The following ANPEP variants were observed in gnomAD, a reference collection of about 807,000 sequenced individuals.
ANPEP encodes aminopeptidase N.
A neutral mutation model predicts 114.6 loss-of-function variants in ANPEP; 70 were observed. The ratio of observed to expected loss-of-function variants is 0.61; its 90% CI spans 0.50 to 0.75. ANPEP has a LOEUF of 0.75. Ranked by LOEUF, ANPEP falls within the 30% of genes least tolerant of loss-of-function variation. The pLI is 0.00. For synonymous variants in ANPEP, 548 were observed against 522.3 expected (o/e 1.05, Z -0.67); for missense variants, 1,184 against 1,259.5 (o/e 0.94, Z 0.91).
intron 19 of ANPEP, 53 bp downstream of exon 19, chr15:89,790,900 C>T (rs572377622): frequency 1.9e-6 from 3 of 1,596,368 alleles, no homozygotes; most frequent in African/African-American, 2.7e-5. Context: ...GGCCACCCCC[C>T]GGGGCCCCAG....
In ANPEP at chr15:89,799,591, G is replaced by T; in HGVS notation, c.1820-32C>A. The T allele has an allele frequency of 6.2e-7, 1 of 1,613,838 alleles. No individual in the cohort carries two copies. Among genetic ancestry groups the T allele is most frequent in the Non-Finnish European group, 8.5e-7 (1 of 1,179,910 alleles). ...AGAGGGACGAGACCTGGGCAGGGCT[G>T]CTCAGAGGCCATGGGCTGACCCCTG... On this transcript the variant is annotated intron_variant, in intron 12 of 20. Coordinates refer to ENST00000300060, the MANE Select transcript of ANPEP (RefSeq NM_001150.3). This position sits in a 1 kb window ranked among gnomAD's most constrained non-coding sequence, Gnocchi z 4.2.
chr15:89,803,899 G>A lies in ANPEP; in HGVS notation c.1283C>T (p.Thr428Ile), dbSNP rs1369290633. 1 of 1,614,026 alleles carries A rather than the reference G, an allele frequency of 6.2e-7. No homozygotes were observed. Among genetic ancestry groups the A allele is most frequent in the Non-Finnish European group, 8.5e-7 (1 of 1,180,008 alleles). ...EYLGADYAEP[T>I]WNLKDLMVLN... Reference sequence around the variant, plus strand: ...GGGCAGCTGGCTTACCAAGTTCCAGGTGGGCTCCGCATAGTCAGCACCCAG... The same window carrying A: ...GGGCAGCTGGCTTACCAAGTTCCAGATGGGCTCCGCATAGTCAGCACCCAG... Residue 428 changes from threonine (T) to isoleucine (I), a missense_variant, in exon 7 of 21, where the codon ACC becomes ATC. Thr to Ile is a moderately conservative substitution (Grantham distance 89). Coordinates refer to ENST00000300060, the MANE Select transcript of ANPEP (RefSeq NM_001150.3). This position sits in a 1 kb window ranked among gnomAD's most constrained non-coding sequence, Gnocchi z 4.2.
At chr15:89,787,221 T>C (rs1412785924) in intron 20 of ANPEP, among the ~76,000 whole-genome samples, 2 of 151,922 alleles carry the variant, frequency 1.3e-5, no homozygotes, top group African/African-American at 4.8e-5. Context: ...AATTTTCGTA[T>C]TTTTTAGTAG....
At chr15:89,791,599 A>ATTTTTT (rs10596905) in intron 18 of ANPEP, among the ~76,000 whole-genome samples, 57 of 135,282 alleles carry the variant, frequency 4.2e-4, no homozygotes, top group South Asian at 1.9e-3. Flanking sequence ...CACCATGCCT[A>ATTTTTT]TTTTTTTTTT....
rs762182681 is a variant in ANPEP at position 89,801,567 on chromosome 15, C to T, written c.1610G>A (p.Arg537Gln). The change falls in exon 11 of 21, where the codon CGG (arginine) becomes CAG (glutamine). Residue 537 changes from arginine to glutamine, a missense_variant. By Grantham distance (43) the Arg-to-Gln change is conservative. Transcript: ENST00000300060. ...CAGGGTCCAGCGGTTCATGATGTCC[C>T]GCACGGTGGTGGGGAGTTGGATGGA... Reference protein sequence around the residue: ...NRSIQLPTTVRDIMNRWTLQM... With the variant: ...NRSIQLPTTVQDIMNRWTLQM... 1.2e-5 allele frequency: 19 copies of T among 1,614,068 alleles called. No homozygotes were observed. Among genetic ancestry groups the T allele is most frequent in the Admixed American group, 5.0e-5 (3 of 60,010 alleles).
Position 89,803,482 on chromosome 15 carries a change from G to A in ANPEP, c.1463C>T (p.Ser488Phe). 1 of 1,607,114 alleles carries A rather than the reference G, an allele frequency of 6.2e-7. No individual in the cohort carries two copies. The highest frequency in any genetic ancestry group is 8.5e-7 in the Non-Finnish European group (1 of 1,177,576). The change falls in exon 9 of 21, where the codon TCC becomes TTC. Residue 488 changes from serine (S) to phenylalanine (F), a missense_variant. Coordinates refer to ENST00000300060, the MANE Select transcript of ANPEP (RefSeq NM_001150.3). The surrounding 1 kb of genome is among the most constrained non-coding windows in gnomAD (Gnocchi z 4.2). Reference protein sequence around the residue: ...SKGASVLRMLSSFLSEDVFKQ... With the variant: ...SKGASVLRMLFSFLSEDVFKQ... ...GAATACGTCCTCGGACAGGAAGCTG[G>A]AGAGCATCCTGAGGACTGAGGCGCC... is the stretch of plus-strand genomic sequence containing the variant.
intron 20 of ANPEP, among the ~76,000 whole-genome samples, chr15:89,785,985 G>A (rs1968500274): frequency 6.6e-6 from 1 of 152,194 alleles, no homozygotes; most frequent in Admixed American, 6.5e-5. Context: ...AAAACTATGT[G>A]TATGACATGT....
rs747637523 is a variant in ANPEP at position 89,804,585 on chromosome 15, C to A, written c.930G>T (p.Ala310=). Residue 310 remains alanine (A), a synonymous_variant, in exon 5 of 21, where the codon GCG becomes GCT. Coordinates refer to ENST00000300060, the MANE Select transcript of ANPEP (RefSeq NM_001150.3). ...TCAGGGCATAATCGCCGTGGCCCGC[C>A]GCAATGGCACTGGGCCGGGCCCAGA... is the stretch of plus-strand genomic sequence containing the variant. ...IRIWARPSAI[A]AGHGDYALNV... 6.2e-7 allele frequency: 1 copy of A among 1,614,026 alleles called. No individual in the cohort carries two copies. Among genetic ancestry groups the A allele is most frequent in the Non-Finnish European group, 8.5e-7 (1 of 1,179,932 alleles).
intron 1 of ANPEP, among the ~76,000 whole-genome samples, chr15:89,814,189 G>A (rs780574589): frequency 5.3e-5 from 8 of 152,232 alleles, no homozygotes; most frequent in Non-Finnish European, 1.0e-4. Flanking sequence ...TGGCCGGGTT[G>A]TAGGAGCGAG....
Position 89,803,110 on chromosome 15 carries a change from T to C in ANPEP, c.1569+129A>G. 9.7e-7 allele frequency: 1 copy of C among 1,036,158 alleles called. No individual in the cohort carries two copies. The highest frequency in any genetic ancestry group is 1.5e-6 in the Non-Finnish European group (1 of 670,504). The allele number at this position is 1,036,158 out of a possible 1,614,324, so 64.2% of individuals were successfully genotyped here. A position where few individuals can be genotyped will look rare whatever the true frequency, so the allele number is the denominator to read the frequency against. ...CACTATAGGGAGGAGCAACAGAGGC[T>C]CCATCCACCCTGCAGGGCTGGTCAG... On this transcript the variant is annotated intron_variant, in intron 10 of 20. Transcript: ENST00000300060. The surrounding 1 kb of genome is among the most constrained non-coding windows in gnomAD (Gnocchi z 4.2).
chr15:89,801,849 C>T (rs1785641099), intron 10 of ANPEP, among the ~76,000 whole-genome samples: 1 of 152,234 alleles, frequency 6.6e-6, no homozygotes, highest in African/African-American at 2.4e-5. Flanking sequence ...TTCTGTGGTC[C>T]ACCCTGAGGT....
At chr15:89,796,384 C>T (rs1208013445) in intron 15 of ANPEP, among the ~76,000 whole-genome samples, 1 of 152,200 alleles carries the variant, frequency 6.6e-6, no homozygotes, top group African/African-American at 2.4e-5. Flanking sequence ...GATTTAACTA[C>T]ATTAGGAGGA....
At chr15:89,790,640 G>T in intron 19 of ANPEP, 99 bp from the exon 20 acceptor site, 1 of 1,100,258 alleles carries the variant, frequency 9.1e-7, no homozygotes, top group Non-Finnish European at 1.4e-6. Flanking sequence ...TAGAGGAGAT[G>T]AAATGACACG....
intron 1 of ANPEP, among the ~76,000 whole-genome samples, chr15:89,812,229 G>A (rs549889151): frequency 2.0e-5 from 3 of 152,240 alleles, no homozygotes; most frequent in Non-Finnish European, 4.4e-5. Context: ...GGGTCCTTGG[G>A]TAGGCCCCAC....
At position 89,805,917 on chromosome 15, in the gene ANPEP, C is replaced by T. The variant is rs545789653; in HGVS notation, c.614+53G>A. On this transcript the variant is annotated intron_variant, in intron 2 of 20. Coordinates refer to ENST00000300060, the MANE Select transcript of ANPEP (RefSeq NM_001150.3). Reference sequence around the variant, plus strand: ...TCCTTCCTTGGCCCTCAGAATCCAGCCTTGCCTCAGCACCTCGGATCCACC... The same window carrying T: ...TCCTTCCTTGGCCCTCAGAATCCAGTCTTGCCTCAGCACCTCGGATCCACC... 5.2e-6 allele frequency: 8 copies of T among 1,546,594 alleles called. No homozygotes were observed. The South Asian group carries it at 8.6e-5, about 17-fold the overall frequency.
chr15:89,805,331 C>T lies in ANPEP; in HGVS notation c.747G>A (p.Met249Ile). The T allele has an allele frequency of 6.2e-7, 1 of 1,613,934 alleles. No homozygotes were observed. The highest frequency in any genetic ancestry group is 8.5e-7 in the Non-Finnish European group (1 of 1,179,888). Residue 249 changes from methionine (M) to isoleucine (I), a missense_variant, in exon 3 of 21, where the codon ATG (methionine) becomes ATA (isoleucine). By Grantham distance (10) the Met-to-Ile change is conservative. Coordinates refer to ENST00000300060, the MANE Select transcript of ANPEP (RefSeq NM_001150.3). ...HPKDLTALSN[M>I]LPKGPSTPLP... is the part of the protein sequence containing the mutation. ...GCAGGGCCCACTCACCTTTGGGAAGCATGTTGGACAGGGCTGTCAGGTCCT... is the reference window on the plus strand; with the variant it reads ...GCAGGGCCCACTCACCTTTGGGAAGTATGTTGGACAGGGCTGTCAGGTCCT...
chr15:89,801,718 G>A (rs1405533996), intron 10 of ANPEP, 111 bp from the exon 11 acceptor site: 1 of 1,278,562 alleles, frequency 7.8e-7, no homozygotes, highest in African/African-American at 1.5e-5. Context: ...TTGTATGGGA[G>A]GCCTGGGAAG....
chr15:89,799,613 C>A lies in ANPEP; in HGVS notation c.1820-54G>T, dbSNP rs974757760. The A allele has an allele frequency of 1.2e-5, 20 of 1,608,478 alleles. No individual in the cohort carries two copies. In the African/African-American group the frequency reaches 2.7e-4, roughly 22 times the overall value. On this transcript the variant is annotated intron_variant, in intron 12 of 20. Coordinates refer to ENST00000300060, the MANE Select transcript of ANPEP (RefSeq NM_001150.3). The surrounding 1 kb of genome is among the most constrained non-coding windows in gnomAD (Gnocchi z 4.2). ...GCTGCTCAGAGGCCATGGGCTGACC[C>A]CTGGACCTCTTGCAAGAGCAGCTGC...
At chr15:89,802,023 C>T (rs143054639) in intron 10 of ANPEP, among the ~76,000 whole-genome samples, 19 of 152,016 alleles carry the variant, frequency 1.2e-4, no homozygotes, top group Admixed American at 2.6e-4. Context: ...GAAGTGCACT[C>T]GGACTGGGGT....
Sources: gnomAD v4.1 joint callset for allele counts (sites outside exome capture counted in the v4.1 genomes callset) on GRCh38, gnomAD v4.1.1 for gene constraint, Gnocchi (gnomAD v3.1) non-coding constraint, MANE v1.5 for transcripts, NCBI Gene and HGNC (gene_info 2026-07-23, HGNC 2026-07-21) for gene names.